The following TYW1B variants were observed in gnomAD, a reference collection of about 807,000 sequenced individuals.
TYW1B encodes the protein S-adenosyl-L-methionine-dependent tRNA 4-demethylwyosine synthase TYW1B.
TYW1B carries 73 observed loss-of-function variants against 86.9 expected under a neutral mutation model. That is an observed-to-expected ratio of 0.84 (90% CI 0.70 to 1.02). TYW1B has a LOEUF of 1.02. TYW1B is among the 50% of genes least tolerant of loss of function. The pLI is 0.00. For missense variants in TYW1B, 637 were observed against 827.4 expected (o/e 0.77, Z 2.82); for synonymous variants, 248 against 292.8 (o/e 0.85, Z 1.56).
rs558055883 is a variant in TYW1B, at chr7:72,744,522, C to T, written c.1044G>A (p.Pro348=). The change falls in exon 8 of 14, where the codon CCG becomes CCA. Residue 348 remains proline, a synonymous_variant. Coordinates refer to ENST00000620995, the MANE Select transcript of TYW1B (RefSeq NM_001145440.3). ...CACATTTATTAGCACACGCCAAGCT[C>T]GGGGTGGTTTCCATGCAGCGATGGC... is the stretch of plus-strand genomic sequence containing the variant. ...NESHRCMETT[P]SLACANKCVF... 15 of 1,586,286 alleles carry T rather than the reference C, an allele frequency of 9.5e-6. No homozygotes were observed. Among genetic ancestry groups the T allele is most frequent in the African/African-American group, 9.0e-5 (6 of 66,888 alleles).
intron 13 of TYW1B, among the ~76,000 whole-genome samples, chr7:72,600,066 C>A (rs1811625546): frequency 6.6e-6 from 1 of 152,074 alleles, no homozygotes; most frequent in Non-Finnish European, 1.5e-5. Context: ...GAATAGCCAA[C>A]ATAATAGTGA....
chr7:72,791,988 G>A (rs1788227118), intron 6 of TYW1B, among the ~76,000 whole-genome samples: 1 of 152,132 alleles, frequency 6.6e-6, no homozygotes, highest in Non-Finnish European at 1.5e-5. Context: ...CAGTCTTGGA[G>A]ACTGTGGTCT....
At chr7:72,653,805 G>A (rs1554443193) in intron 11 of TYW1B, among the ~76,000 whole-genome samples, 3 of 152,006 alleles carry the variant, frequency 2.0e-5, no homozygotes, top group African/African-American at 7.3e-5. Context: ...TAGCAGGCCA[G>A]GCGTGGTGGC....
At position 72,826,962 on chromosome 7, in the gene TYW1B, G is replaced by C; in HGVS notation, c.28C>G (p.Leu10Val). 1 of 1,611,744 alleles carries C rather than the reference G, an allele frequency of 6.2e-7. No individual in the cohort carries two copies. The highest frequency in any genetic ancestry group is 1.3e-5 in the African/African-American group (1 of 74,888). The stretch of plus-strand genomic sequence containing the variant: ...CATAATGATATTAAAGGTGAGGAGA[G>C]GTCCCATGTATCCGCAGAAGGATCT... The part of the protein sequence containing the change: MDPSADTWD[L>V]SSPLISLWIN... Residue 10 changes from leucine (L) to valine (V), a missense_variant, in exon 2 of 14, where the codon CTC becomes GTC. By Grantham distance (32) the Leu-to-Val change is conservative. Coordinates refer to ENST00000620995, the MANE Select transcript of TYW1B (RefSeq NM_001145440.3).
intron 12 of TYW1B, among the ~76,000 whole-genome samples, chr7:72,628,426 T>C (rs2129568682): frequency 6.6e-6 from 1 of 152,056 alleles, no homozygotes; most frequent in East Asian, 1.9e-4. Context: ...GCAGAGAAAA[T>C]GGGTAAAGGT....
chr7:72,652,377 GAAAAAAA>G (rs1169791430), intron 11 of TYW1B, among the ~76,000 whole-genome samples: 33 of 31,298 alleles, frequency 1.1e-3, no homozygotes, highest in South Asian at 3.2e-3. Context: ...GACTCTGTCT[GAAAAAAA>G]AAAAAAAAAA....
At chr7:72,667,031 C>CAAAAAAAAAAAAAAAAAAAAA (rs60691255) in intron 11 of TYW1B, among the ~76,000 whole-genome samples, 23 of 42,316 alleles carry the variant, frequency 5.4e-4, no homozygotes, top group Non-Finnish European at 7.2e-4. Flanking sequence ...GACTCCGTCT[C>CAAAAAAAAAAAAAAAAAAAAA]AAAAAAAAAA....
chr7:72,607,393 CA>C (rs57281644), intron 13 of TYW1B, among the ~76,000 whole-genome samples: 1,039 of 76,194 alleles, frequency 0.014, 10 homozygotes, highest in African/African-American at 0.045. Context: ...TTCTGTCTCT[CA>C]AAAAAAAAAA....
Position 72,776,001 on chromosome 7 carries a change from A to G in TYW1B, c.964+1415T>C, listed in dbSNP as rs541523341. ...GTAGGCTTTAGAGCATACGTAAAAC[A>G]CTCAGTGTGGTGGCTTACACCTGTA... On this transcript the variant is annotated intron_variant, in intron 7 of 13. Transcript: ENST00000620995. 1.2e-4 allele frequency among the ~76,000 whole-genome samples: 19 copies of G among 152,222 alleles called. No individual in the cohort carries two copies. In the South Asian group the frequency reaches 3.3e-3, roughly 27 times the overall value.
chr7:72,623,626 C>T (rs1352657934), intron 12 of TYW1B, among the ~76,000 whole-genome samples: 1 of 152,084 alleles, frequency 6.6e-6, no homozygotes, highest in Non-Finnish European at 1.5e-5. Context: ...CTTCCAGCTC[C>T]AAGAGTGTCT....
chr7:72,599,287 C>T (rs1554433229), intron 13 of TYW1B, among the ~76,000 whole-genome samples: 1 of 151,920 alleles, frequency 6.6e-6, no homozygotes, highest in African/African-American at 2.4e-5. Context: ...AAAAAAAAAT[C>T]ACATGATCTT....
At chr7:72,696,666 C>A (rs1268357519) in intron 10 of TYW1B, among the ~76,000 whole-genome samples, 1 of 152,032 alleles carries the variant, frequency 6.6e-6, no homozygotes, top group African/African-American at 2.4e-5. Context: ...TTTCAGCAGA[C>A]AGAATTTTTA....
At chr7:72,665,228 C>T (rs1277437383) in intron 11 of TYW1B, among the ~76,000 whole-genome samples, 2 of 152,216 alleles carry the variant, frequency 1.3e-5, no homozygotes, top group African/African-American at 4.8e-5. Flanking sequence ...TTGTACACAT[C>T]TTTGTACTGT....
At chr7:72,731,542 TA>T (rs1273788173) in intron 8 of TYW1B, among the ~76,000 whole-genome samples, 39 of 151,256 alleles carry the variant, frequency 2.6e-4, no homozygotes, top group East Asian at 2.3e-3. Context: ...TGAATGAATT[TA>T]AAAAAAAACA....
Position 72,823,684 on chromosome 7 carries a change from G to A in TYW1B, c.135+3171C>T, listed in dbSNP as rs1234979119. ...ATAAATAAAAATAAATTCAGATGGC[G>A]CAGCTTTAAGATGGAAGATGGCTAT... On this transcript the variant is annotated intron_variant, in intron 2 of 13. Transcript: ENST00000620995. Among the ~76,000 whole-genome samples the A allele has an allele frequency of 6.6e-5, 10 of 151,924 alleles. No individual in the cohort carries two copies. The East Asian group carries it at 1.5e-3, about 23-fold the overall frequency.
At chr7:72,595,220 G>T (rs1384610376) in intron 13 of TYW1B, among the ~76,000 whole-genome samples, 1 of 152,182 alleles carries the variant, frequency 6.6e-6, no homozygotes, top group Non-Finnish European at 1.5e-5. Context: ...TAAATGATAT[G>T]ATGTTATATG....
intron 13 of TYW1B, among the ~76,000 whole-genome samples, chr7:72,603,269 C>T (rs1181914660): frequency 2.7e-5 from 4 of 146,596 alleles, no homozygotes; most frequent in African/African-American, 7.7e-5. Flanking sequence ...GATGGATGGA[C>T]AGACAGACGA....
At chr7:72,796,541 A>AT (rs1162823242) in intron 6 of TYW1B, among the ~76,000 whole-genome samples, 31 of 149,112 alleles carry the variant, frequency 2.1e-4, no homozygotes, top group East Asian at 6.0e-4. Context: ...AGGCCAACTA[A>AT]TTTTTTTTTT....
chr7:72,580,568 T>A (rs1554429457), intron 13 of TYW1B, among the ~76,000 whole-genome samples: 1 of 152,118 alleles, frequency 6.6e-6, no homozygotes, highest in East Asian at 1.9e-4. Context: ...GCTGGCTAGA[T>A]GAGGCAATGC....
Sources: allele counts gnomAD v4.1 joint callset (sites outside exome capture counted in the v4.1 genomes callset), GRCh38; gene constraint gnomAD v4.1.1; transcripts MANE v1.5; gene names NCBI Gene and HGNC (gene_info 2026-07-23, HGNC 2026-07-21).